The following LRRC53 variants were observed in gnomAD, a reference collection of about 807,000 sequenced individuals.
LRRC53 encodes leucine rich repeat containing 53, also known as leucine-rich repeat-containing protein 53.
In LRRC53, 25 loss-of-function variants were observed where a neutral mutation model predicts 13.6. That is an observed-to-expected ratio of 1.83 (90% CI 1.34 to 2.56). LRRC53 has a LOEUF of 2.56. LRRC53 is among the 30% of genes most tolerant of loss of function. LRRC53 has a pLI of 0.00. For synonymous variants in LRRC53, 204 were observed against 109.8 expected (o/e 1.86, Z -5.37); for missense variants, 527 against 275.8 (o/e 1.91, Z -6.45).
intron 1 of LRRC53, chr1:74,489,306 T>A (rs932557620): frequency 6.4e-7 from 1 of 1,559,988 alleles, no homozygotes; most frequent in African/African-American, 1.4e-5. Flanking sequence ...TCCAAGGCTG[T>A]CAGGGAATGT....
intron 1 of LRRC53, among the ~76,000 whole-genome samples, chr1:74,509,092 T>C (rs1337613713): frequency 2.6e-5 from 4 of 152,328 alleles, no homozygotes; most frequent in African/African-American, 9.6e-5. Flanking sequence ...TTTCTTCTTC[T>C]TTTTATCACT....
Position 74,475,821 on chromosome 1 carries a change from TAG to T in LRRC53, c.905-13_905-12del. On this transcript the variant is annotated splice_polypyrimidine_tract_variant and intron_variant, in intron 3 of 4. Transcript: ENST00000294635. ...TGAGACCAACAGCTCCTATGACAAA[TAG>T]AGAGACCATTAAAAGATAACATCTT... 1.7e-6 allele frequency: 1 copy of T among 576,000 alleles called. No individual in the cohort carries two copies. The highest frequency in any genetic ancestry group is 3.2e-6 in the Non-Finnish European group (1 of 316,216). 35.7% of individuals were successfully genotyped at this position (576,000 alleles called of 1,614,324 possible).
At chr1:74,533,764 G>A in the LRRC53 span, among the ~76,000 whole-genome samples, 1 of 152,026 alleles carries the variant, frequency 6.6e-6, no homozygotes, top group Non-Finnish European at 1.5e-5. Context: ...CCTTTGTAGG[G>A]ACATGGATGA....
In LRRC53 at chr1:74,480,885, T is replaced by A. The variant is rs1304499044; in HGVS notation, c.172A>T (p.Asn58Tyr). ...CTGCTTAGGGAGAGCAGGGCAAGAT[T>A]AAACAAGAGAGACAGGTTTGTGCTC... is the stretch of plus-strand genomic sequence containing the variant. Reference protein sequence around the residue: ...IESTNLSLLFNLALLSLSRNG... With the variant: ...IESTNLSLLFYLALLSLSRNG... Residue 58 changes from asparagine (N) to tyrosine (Y), a missense_variant, in exon 3 of 5, where the codon AAT becomes TAT. Coordinates refer to ENST00000294635, the MANE Select transcript of LRRC53 (RefSeq NM_001382280.1). 2 of 717,258 alleles carry A rather than the reference T, an allele frequency of 2.8e-6. No individual in the cohort carries two copies. The highest frequency in any genetic ancestry group is 3.5e-5 in the African/African-American group (2 of 57,214). The allele number at this position is 717,258 out of a possible 1,614,324, so 44.4% of individuals were successfully genotyped here.
chr1:74,480,367 T>C lies in LRRC53; in HGVS notation c.690A>G (p.Arg230=). 1 of 717,690 alleles carries C rather than the reference T, an allele frequency of 1.4e-6. No individual in the cohort carries two copies. 44.5% of individuals were successfully genotyped at this position (717,690 alleles called of 1,614,324 possible). A position where few individuals can be genotyped will look rare whatever the true frequency, so the allele number is the denominator to read the frequency against. ...TGTGAGCAGAAGACTTAATGTAGTT[T>C]CTTAAAAACCGAGCAAGGGGATGGA... ...CDLHPLARFL[R]NYIKSSAHTL... is the part of the protein sequence containing the mutation. Residue 230 remains arginine (R), a synonymous_variant, in exon 3 of 5, where the codon AGA becomes AGG. Transcript: ENST00000294635.
the LRRC53 span, among the ~76,000 whole-genome samples, chr1:74,520,479 C>G: frequency 8.5e-4 from 129 of 152,048 alleles, no homozygotes; most frequent in African/African-American, 2.9e-3. Context: ...TGAGGCCCAT[C>G]CATCCATCTG....
intron 1 of LRRC53, among the ~76,000 whole-genome samples, chr1:74,500,155 TACCTCTTTATTTTAATTTCCA>T (rs1214649310): frequency 6.6e-6 from 1 of 152,014 alleles, no homozygotes; most frequent in East Asian, 1.9e-4. Flanking sequence ...ACCTCTATAA[TACCTCTTTATTTTAATTTCCA>T]GTATTTTATC....
chr1:74,486,351 C>T (rs2100281079), intron 1 of LRRC53, among the ~76,000 whole-genome samples: 1 of 152,066 alleles, frequency 6.6e-6, no homozygotes, highest in Non-Finnish European at 1.5e-5. Flanking sequence ...TCCAGAGTTT[C>T]TCGTTGTTTT....
At chr1:74,510,456 C>T (rs757786078) in intron 1 of LRRC53, among the ~76,000 whole-genome samples, 10 of 151,972 alleles carry the variant, frequency 6.6e-5, no homozygotes, top group Admixed American at 1.3e-4. Context: ...TGCAGAGAGC[C>T]GACATCGCGC....
At chr1:74,518,308 A>T in the LRRC53 span, among the ~76,000 whole-genome samples, 1 of 152,290 alleles carries the variant, frequency 6.6e-6, no homozygotes, top group Non-Finnish European at 1.5e-5. Context: ...TTCTTCTTTT[A>T]TATTTATTTT....
chr1:74,486,117 CTG>C (rs140047513), intron 1 of LRRC53, among the ~76,000 whole-genome samples: 2,926 of 151,940 alleles, frequency 0.019, 96 homozygotes, highest in African/African-American at 0.067. Flanking sequence ...ATTCTGTCCT[CTG>C]TTCCTTCAAA....
chr1:74,530,641 C>A, the LRRC53 span, among the ~76,000 whole-genome samples: 1 of 152,022 alleles, frequency 6.6e-6, no homozygotes, highest in Non-Finnish European at 1.5e-5. Flanking sequence ...GCCTCAGTTT[C>A]CTTCTTGGTA....
chr1:74,530,541 T>C, the LRRC53 span, among the ~76,000 whole-genome samples: 4 of 152,234 alleles, frequency 2.6e-5, no homozygotes, highest in East Asian at 7.7e-4. Flanking sequence ...AATCATCAAA[T>C]AGAACTAGAA....
At chr1:74,492,517 C>A (rs1221296254) in intron 1 of LRRC53, among the ~76,000 whole-genome samples, 1 of 152,066 alleles carries the variant, frequency 6.6e-6, no homozygotes, top group Admixed American at 6.5e-5. Flanking sequence ...TTCAGAGCAA[C>A]AAAAGGGATT....
At chr1:74,512,270 A>G (rs72979498) in intron 1 of LRRC53, among the ~76,000 whole-genome samples, 26 of 152,262 alleles carry the variant, frequency 1.7e-4, no homozygotes, top group African/African-American at 6.3e-4. Flanking sequence ...TCTAGATGAG[A>G]CATGAGTGAC....
intron 1 of LRRC53, among the ~76,000 whole-genome samples, chr1:74,484,636 G>A (rs1163569003): frequency 3.3e-5 from 5 of 152,290 alleles, no homozygotes; most frequent in Non-Finnish European, 7.4e-5. Context: ...GTGTCATGGT[G>A]GAGAGGATCC....
chr1:74,477,104 G>C (rs1442973156), intron 3 of LRRC53, among the ~76,000 whole-genome samples: 1 of 152,018 alleles, frequency 6.6e-6, no homozygotes, highest in East Asian at 1.9e-4. Context: ...TCCTTTTATT[G>C]ACAGATAGAT....
At chr1:74,508,452 A>G (rs1670018386) in intron 1 of LRRC53, among the ~76,000 whole-genome samples, 1 of 152,210 alleles carries the variant, frequency 6.6e-6, no homozygotes, top group Non-Finnish European at 1.5e-5. Context: ...TCCCCAAAAT[A>G]CAAGTGGCAA....
At chr1:74,524,888 T>C in the LRRC53 span, among the ~76,000 whole-genome samples, 1 of 152,176 alleles carries the variant, frequency 6.6e-6, no homozygotes, top group Middle Eastern at 3.2e-3. Flanking sequence ...AGAGGTAACA[T>C]CATTAGGATT....
Sources: allele counts gnomAD v4.1 joint callset (sites outside exome capture counted in the v4.1 genomes callset), GRCh38; gene constraint gnomAD v4.1.1; transcripts MANE v1.5; gene names NCBI Gene and HGNC (gene_info 2026-07-23, HGNC 2026-07-21).